The following ACYP2 variants were observed in gnomAD, a reference collection of about 807,000 sequenced individuals.
ACYP2 encodes the protein acylphosphatase-2.
Under a neutral mutation model 11.2 loss-of-function variants are expected in ACYP2, and 12 were observed. The observed-to-expected ratio is 1.08, with a 90% CI of 0.69 to 1.74. The LOEUF is 1.74. ACYP2 is among the 40% of genes most tolerant of loss of function. ACYP2 has a pLI of 0.00. For synonymous variants in ACYP2, 43 were observed against 32.2 expected (o/e 1.33, Z -1.13); for missense variants, 134 against 101.9 (o/e 1.31, Z -1.35).
At chr2:54,297,408 G>T (rs1208301765) in intron 6 of ACYP2, among the ~76,000 whole-genome samples, 2 of 152,116 alleles carry the variant, frequency 1.3e-5, no homozygotes, top group African/African-American at 4.8e-5. Context: ...TGAGATGGGA[G>T]GATAGCTGAA....
At chr2:54,295,856 G>T (rs1372698845) in intron 6 of ACYP2, among the ~76,000 whole-genome samples, 2 of 151,962 alleles carry the variant, frequency 1.3e-5, no homozygotes, top group African/African-American at 2.4e-5. Flanking sequence ...CGCCTCCCGG[G>T]TTCAAGCAAT....
intron 6 of ACYP2, chr2:54,254,889 C>T: frequency 1.3e-6 from 2 of 1,588,262 alleles, no homozygotes; most frequent in Non-Finnish European, 1.7e-6. Flanking sequence ...GGCAGGCAAC[C>T]TTCTGCAGGA....
chr2:54,080,775 A>C (rs1258740171), intron 4 of ACYP2, among the ~76,000 whole-genome samples: 1 of 151,956 alleles, frequency 6.6e-6, no homozygotes, highest in Non-Finnish European at 1.5e-5. Flanking sequence ...GGCATGAGCC[A>C]CCGTGCCCTG....
chr2:54,220,656 T>G (rs1279898051), intron 6 of ACYP2, among the ~76,000 whole-genome samples: 2 of 152,238 alleles, frequency 1.3e-5, no homozygotes, highest in Non-Finnish European at 2.9e-5. Context: ...TCTGATTCAA[T>G]TGAAACACAT....
At chr2:54,232,749 A>G (rs908799302) in intron 6 of ACYP2, among the ~76,000 whole-genome samples, 1 of 152,178 alleles carries the variant, frequency 6.6e-6, no homozygotes, top group Non-Finnish European at 1.5e-5. Context: ...CATGGCGGCA[A>G]GAGAGGGAGA....
At chr2:53,974,821 A>C (rs1258563967) in intron 2 of ACYP2, among the ~76,000 whole-genome samples, 2 of 152,168 alleles carry the variant, frequency 1.3e-5, no homozygotes. Flanking sequence ...CTCTAGAGAT[A>C]ATTGAGTTGA....
intron 6 of ACYP2, among the ~76,000 whole-genome samples, chr2:54,180,280 C>T (rs1683649587): frequency 6.6e-6 from 1 of 151,842 alleles, no homozygotes; most frequent in Non-Finnish European, 1.5e-5. Flanking sequence ...AGGCTTCATT[C>T]AGTAGCCATG....
intron 6 of ACYP2, among the ~76,000 whole-genome samples, chr2:54,302,040 C>T (rs1689746358): frequency 6.6e-6 from 1 of 152,152 alleles, no homozygotes; most frequent in African/African-American, 2.4e-5. Context: ...CCTCCCAGGC[C>T]ATACTTTTGG....
intron 6 of ACYP2, among the ~76,000 whole-genome samples, chr2:54,261,430 A>G (rs550517491): frequency 2.8e-4 from 42 of 152,292 alleles, no homozygotes; most frequent in African/African-American, 8.4e-4. Context: ...AAAATGAGTA[A>G]GGGAAGGAAG....
intron 6 of ACYP2, among the ~76,000 whole-genome samples, chr2:54,191,824 T>C (rs990725507): frequency 6.6e-6 from 1 of 152,202 alleles, no homozygotes; most frequent in African/African-American, 2.4e-5. Context: ...TTTTTCTTCT[T>C]AGCATGGATC....
At chr2:54,217,685 T>C (rs1685615689) in intron 6 of ACYP2, among the ~76,000 whole-genome samples, 1 of 152,178 alleles carries the variant, frequency 6.6e-6, no homozygotes, top group Non-Finnish European at 1.5e-5. Context: ...AGAGTTTCAC[T>C]ATTAATTATT....
chr2:54,280,098 G>A (rs940259144), intron 6 of ACYP2, among the ~76,000 whole-genome samples: 1 of 152,166 alleles, frequency 6.6e-6, no homozygotes, highest in Admixed American at 6.5e-5. Flanking sequence ...TGATAGGAAA[G>A]TTACAAATCT....
rs550142135 is a variant in ACYP2, at chr2:54,035,009, CAAAAAAAAA to C, written c.63-15934_63-15926del. On this transcript the variant is annotated intron_variant, in intron 2 of 6. Transcript: ENST00000607452. ...CAGGCGACAGTGCGAGACTACATCTCAAAAAAAAAAAAAAAAAAAAAAAGCCTAGACTCT... is the reference window on the plus strand; with the variant it reads ...CAGGCGACAGTGCGAGACTACATCTCAAAAAAAAAAAAAAGCCTAGACTCT... Among the ~76,000 whole-genome samples the C allele has an allele frequency of 4.2e-4, 19 of 44,778 alleles. 1 individual carries two copies. Among genetic ancestry groups the C allele is most frequent in the African/African-American group, 9.6e-4 (16 of 16,624 alleles). The allele number at this position is 44,778 out of a possible 152,430, so 29.4% of individuals were successfully genotyped here. A position where few individuals can be genotyped will look rare whatever the true frequency, so the allele number is the denominator to read the frequency against.
intron 4 of ACYP2, among the ~76,000 whole-genome samples, chr2:54,120,471 T>C (rs892424288): frequency 1.3e-5 from 2 of 152,242 alleles, no homozygotes; most frequent in African/African-American, 4.8e-5. Flanking sequence ...ATGACACTCC[T>C]AGAAATGCAT....
At chr2:54,243,250 G>C (rs931265683) in intron 6 of ACYP2, among the ~76,000 whole-genome samples, 1 of 152,120 alleles carries the variant, frequency 6.6e-6, no homozygotes, top group East Asian at 1.9e-4. Context: ...AAATATTGTA[G>C]GGTAGACTTA....
At chr2:54,095,132 T>C (rs1407611789) in intron 4 of ACYP2, among the ~76,000 whole-genome samples, 3 of 151,966 alleles carry the variant, frequency 2.0e-5, no homozygotes, top group Non-Finnish European at 4.4e-5. Flanking sequence ...ACAAAGCACA[T>C]CTTGCACCGC....
chr2:54,255,927 G>A (rs918854657), intron 6 of ACYP2: 35 of 1,613,968 alleles, frequency 2.2e-5, no homozygotes, highest in Admixed American at 3.3e-5. Context: ...GACCCGCATC[G>A]ACCAAGATGT....
At chr2:54,189,745 T>C (rs1413265066) in intron 6 of ACYP2, among the ~76,000 whole-genome samples, 3 of 152,174 alleles carry the variant, frequency 2.0e-5, no homozygotes, top group Non-Finnish European at 4.4e-5. Flanking sequence ...TGCTGGGTCA[T>C]ATGACAGTAC....
intron 4 of ACYP2, among the ~76,000 whole-genome samples, chr2:54,130,598 G>C (rs1452174909): frequency 1.3e-5 from 2 of 152,188 alleles, no homozygotes; most frequent in Non-Finnish European, 2.9e-5. Flanking sequence ...TCTTGTAGTA[G>C]ATGAGTTGAA....
Sources: gnomAD v4.1 joint callset for allele counts (sites outside exome capture counted in the v4.1 genomes callset) on GRCh38, gnomAD v4.1.1 for gene constraint, MANE v1.5 for transcripts, NCBI Gene and HGNC (gene_info 2026-07-23, HGNC 2026-07-21) for gene names.